Variants in COL11A2 observed in about 807,000 individuals in gnomAD.
COL11A2 encodes collagen alpha-2(XI) chain.
In COL11A2, 116 loss-of-function variants were observed where a neutral mutation model predicts 273.4. The ratio of observed to expected loss-of-function variants is 0.42; its 90% CI spans 0.36 to 0.49. The LOEUF is 0.49. COL11A2 is among the 20% of genes least tolerant of loss of function. COL11A2 has a pLI of 0.00. For missense variants in COL11A2, 1,866 were observed against 2,309.0 expected (o/e 0.81, Z 3.93); for synonymous variants, 782 against 864.2 (o/e 0.90, Z 1.67).
Position 33,184,226 on chromosome 6 carries a change from G to A in COL11A2, c.1038C>T (p.Tyr346=), listed in dbSNP as rs1772085733. 7.3e-7 allele frequency: 1 copy of A among 1,367,542 alleles called. No homozygotes were observed. The highest frequency in any genetic ancestry group is 9.8e-7 in the Non-Finnish European group (1 of 1,021,990). The allele number at this position is 1,367,542 out of a possible 1,614,324, so 84.7% of individuals were successfully genotyped here. The change falls in exon 8 of 66, where the codon TAC becomes TAT. Residue 346 remains tyrosine (Y), a synonymous_variant. Coordinates refer to ENST00000341947, the MANE Select transcript of COL11A2 (RefSeq NM_080680.3). ...GATAATCATCCCCATAGCCATAGGT[G>A]TAATCGTAGGGCCCTTCAGGGGGGT... ...GTDPPEGPYD[Y]TYGYGDDYRE...
Position 33,174,536 on chromosome 6 carries a change from C to G in COL11A2, c.2421G>C (p.Gln807His). The G allele has an allele frequency of 6.2e-7, 1 of 1,612,642 alleles. No homozygotes were observed. The highest frequency in any genetic ancestry group is 8.5e-7 in the Non-Finnish European group (1 of 1,179,944). Residue 807 changes from glutamine (Q) to histidine (H), a missense_variant, in exon 31 of 66, where the codon CAG becomes CAC. By Grantham distance (24) the Gln-to-His change is conservative. Transcript: ENST00000341947. ...VPGLPGYPGR[Q>H]GPKGSLGFPG... The stretch of plus-strand genomic sequence containing the variant: ...TGGGGCATGGCATCACCTTGGGTCC[C>G]TGACGTCCAGGATAGCCAGGCAGAC...
rs765708674 is a variant in COL11A2 at position 33,166,803 on chromosome 6, T to G, written c.4255A>C (p.Ile1419Leu). 9.3e-6 allele frequency: 15 copies of G among 1,613,216 alleles called. No individual in the cohort carries two copies. The highest frequency in any genetic ancestry group is 8.3e-5 in the Admixed American group (5 of 59,994). ...EKGHPGLIGL[I>L]GPPGEQGEKG... The stretch of plus-strand genomic sequence containing the variant: ...TCTCCCTGCTCACCCGGGGGCCCAA[T>G]CAGTCCAATGAGACCTGGGTGGCCC... The change falls in exon 59 of 66, where the codon ATT (isoleucine) becomes CTT (leucine). Residue 1419 changes from isoleucine (I) to leucine (L), a missense_variant. Transcript: ENST00000341947. This position sits in a 1 kb window ranked among gnomAD's most constrained non-coding sequence, Gnocchi z 4.8.
At chr6:33,188,272 G>T (rs1259151993) in intron 4 of COL11A2, 90 bp downstream of exon 4, 2 of 1,456,384 alleles carry the variant, frequency 1.4e-6, no homozygotes, top group African/African-American at 2.8e-5. Context: ...AAGGCCTAGG[G>T]AATAGGAAGA....
At chr6:33,184,908 T>C (rs758031301) in intron 7 of COL11A2, 84 bp downstream of exon 7, 1 of 1,146,948 alleles carries the variant, frequency 8.7e-7, no homozygotes, top group South Asian at 1.3e-5. Context: ...GAGGGGCTGG[T>C]CCATCAAGAC....
Position 33,176,889 on chromosome 6 carries a change from C to A in COL11A2, c.2070+103G>T. On this transcript the variant is annotated intron_variant, in intron 25 of 65. Transcript: ENST00000341947. The surrounding 1 kb of genome is among the most constrained non-coding windows in gnomAD (Gnocchi z 4.9). ...AAGCCAACTGTCCATGGACAAGCAC[C>A]ACCAGTGACCTTTCAGTGCAAGGGT... 1 of 1,532,946 alleles carries A rather than the reference C, an allele frequency of 6.5e-7. No homozygotes were observed. The highest frequency in any genetic ancestry group is 2.3e-5 in the East Asian group (1 of 43,174). The allele number at this position is 1,532,946 out of a possible 1,614,324, so 95.0% of individuals were successfully genotyped here.
Position 33,167,233 on chromosome 6 carries a change from C to A in COL11A2, c.4176+31G>T. 1.2e-6 allele frequency: 2 copies of A among 1,614,144 alleles called. No homozygotes were observed. The highest frequency in any genetic ancestry group is 1.1e-5 in the South Asian group (1 of 91,088). On this transcript the variant is annotated intron_variant, in intron 57 of 65. Coordinates refer to ENST00000341947, the MANE Select transcript of COL11A2 (RefSeq NM_080680.3). The surrounding 1 kb of genome is among the most constrained non-coding windows in gnomAD (Gnocchi z 6.1). ...GCTCTGTCCCAGGGCACTGCCCTCA[C>A]CCCTCACTCAGCCCAATCCCAGTCA...
rs144322229 is a variant in COL11A2 at position 33,183,925 on chromosome 6, GCTT to G, written c.1119+217_1119+219del. ...TTTTTTTAATTCCCAATTGCCCTGAGCTTCAGAAGTATCCACAAGAGTCACAAG... is the reference window on the plus strand; with the variant it reads ...TTTTTTTAATTCCCAATTGCCCTGAGCAGAAGTATCCACAAGAGTCACAAG... On this transcript the variant is annotated intron_variant, in intron 8 of 65. Coordinates refer to ENST00000341947, the MANE Select transcript of COL11A2 (RefSeq NM_080680.3). Among the ~76,000 whole-genome samples, 21,736 of 151,854 alleles carry G rather than the reference GCTT, an allele frequency of 0.14. 2,088 individuals are homozygous for G. Among genetic ancestry groups the G allele is most frequent in the Admixed American group, 0.26 (3,969 of 15,266 alleles).
chr6:33,179,334 GGCC>G lies in COL11A2; in HGVS notation c.1504-53_1504-51del. ...CGTAAGGAAGGACACAGCCAACAGT[GGCC>G]TCGGAGTGTTCCCCAAAAGAAGCCC... On this transcript the variant is annotated intron_variant, in intron 14 of 65. Transcript: ENST00000341947. This position sits in a 1 kb window ranked among gnomAD's most constrained non-coding sequence, Gnocchi z 6.4. The G allele has an allele frequency of 6.3e-7, 1 of 1,590,358 alleles. No individual in the cohort carries two copies. Among genetic ancestry groups the G allele is most frequent in the Non-Finnish European group, 8.6e-7 (1 of 1,169,212 alleles).
Position 33,163,287 on chromosome 6 carries a change from T to G in COL11A2, c.*391A>C. ...CCCCTGTCTTCAACATCTGCTGATT[T>G]TTGTTGGCGTTTCTCTTTTTTGTTA... On this transcript the variant is annotated 3_prime_UTR_variant, in exon 66 of 66. Coordinates refer to ENST00000341947, the MANE Select transcript of COL11A2 (RefSeq NM_080680.3). This position sits in a 1 kb window ranked among gnomAD's most constrained non-coding sequence, Gnocchi z 4.1. 4.3e-6 allele frequency: 1 copy of G among 233,346 alleles called. No individual in the cohort carries two copies. The highest frequency in any genetic ancestry group is 9.4e-5 in the East Asian group (1 of 10,620). The allele number at this position is 233,346 out of a possible 1,614,324, so 14.5% of individuals were successfully genotyped here.
In COL11A2 at chr6:33,175,351, T is replaced by C. The variant is rs1562345610; in HGVS notation, c.2376+223A>G. 5.9e-6 allele frequency: 4 copies of C among 679,256 alleles called. No individual in the cohort carries two copies. In the Admixed American group the frequency reaches 6.1e-5, roughly 10 times the overall value. 42.1% of individuals were successfully genotyped at this position (679,256 alleles called of 1,614,324 possible). A position where few individuals can be genotyped will look rare whatever the true frequency, so the allele number is the denominator to read the frequency against. On this transcript the variant is annotated intron_variant, in intron 30 of 65. Transcript: ENST00000341947. ...TGAAGCAACAGCTACTCTCTAAGCT[T>C]CGTCTCCGTCCAACTCTTCGTGTCA...
intron 11 of COL11A2, 94 bp from the exon 12 acceptor site, chr6:33,180,426 G>C: frequency 8.5e-7 from 1 of 1,176,002 alleles, no homozygotes; most frequent in Non-Finnish European, 1.2e-6. Flanking sequence ...AACAGAATAA[G>C]TGTAGATTGC....
chr6:33,181,775 C>T (rs1771770536), intron 8 of COL11A2, among the ~76,000 whole-genome samples: 1 of 150,970 alleles, frequency 6.6e-6, no homozygotes, highest in Non-Finnish European at 1.5e-5. Context: ...CGTGAGCCAC[C>T]ACACCTGGCC....
intron 31 of COL11A2, 103 bp from the exon 32 acceptor site, chr6:33,174,321 G>A (rs1480593180): frequency 6.7e-7 from 1 of 1,482,778 alleles, no homozygotes; most frequent in African/African-American, 1.4e-5. Flanking sequence ...TGGCCAGGGA[G>A]ACCCGAGCTC....
Position 33,188,397 on chromosome 6 carries a change from A to G in COL11A2, c.571T>C (p.Phe191Leu), listed in dbSNP as rs747305751. ...PVLDTHGVII[F>L]GARILDEEVF... is the part of the protein sequence containing the mutation. ...TCTTCATCCAGAATACGGGCACCAAAGATGATCACTCCATGGGTGTCCAAT... is the reference window on the plus strand; with the variant it reads ...TCTTCATCCAGAATACGGGCACCAAGGATGATCACTCCATGGGTGTCCAAT... Residue 191 changes from phenylalanine to leucine, a missense_variant, in exon 4 of 66, where the codon TTT becomes CTT. Physicochemically the swap from Phe to Leu is conservative, Grantham distance 22. Transcript: ENST00000341947. 6.2e-7 allele frequency: 1 copy of G among 1,613,078 alleles called. No homozygotes were observed. Among genetic ancestry groups the G allele is most frequent in the Non-Finnish European group, 8.5e-7 (1 of 1,180,032 alleles).
At position 33,174,169 on chromosome 6, in the gene COL11A2, G is replaced by A; in HGVS notation, c.2480C>T (p.Ala827Val). 1.3e-6 allele frequency: 2 copies of A among 1,586,344 alleles called. No individual in the cohort carries two copies. Among genetic ancestry groups the A allele is most frequent in the Non-Finnish European group, 1.7e-6 (2 of 1,166,124 alleles). The part of the protein sequence containing the change: ...GFPGASGEKG[A>V]RGLSGKSGPR... ...CCCTCCCACCCCCCAGCTTACCCGG[G>A]CTCCCTTCTCTCCACTGGCACCAGG... Residue 827 changes from alanine (A) to valine (V), a missense_variant, in exon 32 of 66, where the codon GCC (alanine) becomes GTC (valine). Physicochemically the swap from Ala to Val is moderately conservative, Grantham distance 64. Coordinates refer to ENST00000341947, the MANE Select transcript of COL11A2 (RefSeq NM_080680.3).
At position 33,192,346 on chromosome 6, in the gene COL11A2, C is replaced by T. The variant is rs1308810454; in HGVS notation, c.-106G>A. The T allele has an allele frequency of 4.3e-6, 5 of 1,159,340 alleles. No homozygotes were observed. The highest frequency in any genetic ancestry group is 4.0e-5 in the Admixed American group (2 of 50,400). 71.8% of individuals were successfully genotyped at this position (1,159,340 alleles called of 1,614,324 possible). A position where few individuals can be genotyped will look rare whatever the true frequency, so the allele number is the denominator to read the frequency against. Reference sequence around the variant, plus strand: ...GGAGCAGACTATGAGCCTCAGACGCCGGGGTCCCAGGGAGGTCAGAGGCTG... The same window carrying T: ...GGAGCAGACTATGAGCCTCAGACGCTGGGGTCCCAGGGAGGTCAGAGGCTG... On this transcript the variant is annotated 5_prime_UTR_variant, in exon 1 of 66. Coordinates refer to ENST00000341947, the MANE Select transcript of COL11A2 (RefSeq NM_080680.3).
chr6:33,165,579 G>T lies in COL11A2; in HGVS notation c.4720C>A (p.Leu1574Met). 6.2e-7 allele frequency: 1 copy of T among 1,613,490 alleles called. No homozygotes were observed. ...GGAAGCTCTGGGTGGCACAGCTTCA[G>T]GTCCTGGCAGGTGCGAGCAGGGCTG... ...QDSPARTCQD[L>M]KLCHPELPDG... Residue 1574 changes from leucine (L) to methionine (M), a missense_variant, in exon 63 of 66, where the codon CTG becomes ATG. Transcript: ENST00000341947. This position sits in a 1 kb window ranked among gnomAD's most constrained non-coding sequence, Gnocchi z 7.7.
chr6:33,170,540 G>T lies in COL11A2; in HGVS notation c.3528+17C>A. 6.2e-7 allele frequency: 1 copy of T among 1,612,174 alleles called. No homozygotes were observed. Among genetic ancestry groups the T allele is most frequent in the Non-Finnish European group, 8.5e-7 (1 of 1,179,762 alleles). On this transcript the variant is annotated intron_variant, in intron 47 of 65. Coordinates refer to ENST00000341947, the MANE Select transcript of COL11A2 (RefSeq NM_080680.3). This position sits in a 1 kb window ranked among gnomAD's most constrained non-coding sequence, Gnocchi z 4.3. ...GTGACTAGTATGGTGGCTAGGGTCA[G>T]TAGGGGTCACACTCACCATAGGACC... is the stretch of plus-strand genomic sequence containing the variant.
In COL11A2 at chr6:33,178,968, C is replaced by T; in HGVS notation, c.1617G>A (p.Arg539=). The T allele has an allele frequency of 1.2e-6, 2 of 1,614,038 alleles. No homozygotes were observed. The highest frequency in any genetic ancestry group is 1.7e-6 in the Non-Finnish European group (2 of 1,179,970). ...TCCCTCGGGCTCCATCAGCACCTGCCCGGCCCTGGGAGAACAAGGGAAGTG... is the reference window on the plus strand; with the variant it reads ...TCCCTCGGGCTCCATCAGCACCTGCTCGGCCCTGGGAGAACAAGGGAAGTG... ...GPPGKAGRRG[R]AGADGARGMP... Residue 539 remains arginine (R), a synonymous_variant, in exon 17 of 66, where the codon CGG becomes CGA. Transcript: ENST00000341947. This position sits in a 1 kb window ranked among gnomAD's most constrained non-coding sequence, Gnocchi z 4.6.
Sources: gnomAD v4.1 joint callset for allele counts (sites outside exome capture counted in the v4.1 genomes callset) on GRCh38, gnomAD v4.1.1 for gene constraint, Gnocchi (gnomAD v3.1) non-coding constraint, MANE v1.5 for transcripts, NCBI Gene and HGNC (gene_info 2026-07-23, HGNC 2026-07-21) for gene names.